Variants in PTPN22 observed in about 807,000 individuals in gnomAD.
The protein encoded by PTPN22 is tyrosine-protein phosphatase non-receptor type 22.
PTPN22 carries 85 observed loss-of-function variants against 103.3 expected under a neutral mutation model. That is an observed-to-expected ratio of 0.82 (90% CI 0.69 to 0.99). The LOEUF (loss-of-function observed/expected upper bound fraction) is 0.99. PTPN22 is among the 50% of genes least tolerant of loss of function. The probability of loss-of-function intolerance (pLI) is 0.00; values close to 1 mark genes in which losing one functional copy is unlikely to be tolerated. For missense variants in PTPN22, 865 were observed against 936.9 expected (o/e 0.92, Z 1.00); for synonymous variants, 323 against 310.2 (o/e 1.04, Z -0.43).
chr1:113,845,194 G>GTTTTTTT (rs1322305042), intron 11 of PTPN22, among the ~76,000 whole-genome samples: 2 of 141,308 alleles, frequency 1.4e-5, no homozygotes, highest in African/African-American at 2.6e-5. Flanking sequence ...TTTTGTTTTT[G>GTTTTTTT]TTTTTGTTTT....
chr1:113,833,224 T>C, intron 15 of PTPN22, 86 bp from the exon 16 acceptor site: 2 of 954,970 alleles, frequency 2.1e-6, no homozygotes, highest in Non-Finnish European at 1.6e-6. Context: ...ATTTTTGAAC[T>C]TATATGTAAT....
chr1:113,825,251 A>G, intron 18 of PTPN22, 79 bp from the exon 19 acceptor site: 1 of 915,858 alleles, frequency 1.1e-6, no homozygotes, highest in Non-Finnish European at 1.6e-6. Context: ...TATAGACTTA[A>G]GTGAAAAGAA....
intron 1 of PTPN22, among the ~76,000 whole-genome samples, chr1:113,869,898 T>C (rs1666434981): frequency 6.6e-6 from 1 of 152,184 alleles, no homozygotes; most frequent in African/African-American, 2.4e-5. Context: ...GATCAGCCAG[T>C]GGCAGTGAGA....
chr1:113,827,747 A>T (rs1287298240), intron 18 of PTPN22, among the ~76,000 whole-genome samples: 1 of 152,134 alleles, frequency 6.6e-6, no homozygotes, highest in Admixed American at 6.5e-5. Context: ...AGGCAGGAGG[A>T]TCGCTTGAGT....
chr1:113,859,482 AATT>A, intron 1 of PTPN22, 22 bp from the exon 2 acceptor site: 1 of 1,567,570 alleles, frequency 6.4e-7, no homozygotes, highest in East Asian at 2.2e-5. Flanking sequence ...TTCCAAGAAA[AATT>A]AATCTTCCTA....
At chr1:113,827,262 A>G (rs937875109) in intron 18 of PTPN22, among the ~76,000 whole-genome samples, 1 of 152,150 alleles carries the variant, frequency 6.6e-6, no homozygotes, top group Non-Finnish European at 1.5e-5. Flanking sequence ...TAAAAAATAG[A>G]TGATTTATTT....
chr1:113,844,034 C>T (rs1663833546), intron 11 of PTPN22, among the ~76,000 whole-genome samples: 1 of 152,032 alleles, frequency 6.6e-6, no homozygotes, highest in African/African-American at 2.4e-5. Context: ...AGTTCAAGAC[C>T]AGCCTGGACA....
At chr1:113,829,919 A>AT (rs763491584) in intron 17 of PTPN22, 30 bp downstream of exon 17, 4 of 1,537,926 alleles carry the variant, frequency 2.6e-6, no homozygotes, top group African/African-American at 1.4e-5. Flanking sequence ...CATTTTTATG[A>AT]TTTTTTTGAG....
At chr1:113,837,955 A>G (rs1278089902) in exon 13 of PTPN22, 1 of 1,614,134 alleles carries the variant, frequency 6.2e-7, no homozygotes, top group Non-Finnish European at 8.5e-7. Context: ...CTGCATCTCT[A>G]CAAAACAAGA....
chr1:113,836,226 C>A (rs1296993180), intron 13 of PTPN22, among the ~76,000 whole-genome samples: 2 of 152,094 alleles, frequency 1.3e-5, no homozygotes, highest in African/African-American at 4.8e-5. Flanking sequence ...GATGATATAC[C>A]TAAGGGAGTT....
intron 1 of PTPN22, among the ~76,000 whole-genome samples, chr1:113,861,241 G>T (rs1389074295): frequency 6.6e-6 from 1 of 151,834 alleles, no homozygotes; most frequent in Non-Finnish European, 1.5e-5. Flanking sequence ...TTGTTTGTTT[G>T]TTTTTGTTTT....
At position 113,838,578 on chromosome 1, in the gene PTPN22, G is replaced by A. The variant is rs779813063; in HGVS notation, c.958C>T (p.Gln320Ter). ...AAATTAGGAGAATAAGAGTCTGCTT[G>A]GAGAGTGTGATTTTTCTCAGGAATA... is the stretch of plus-strand genomic sequence containing the variant. The change falls in exon 12 of 21, where the codon CAA becomes TAA. Residue 320 changes from glutamine to a stop codon, truncating the protein, a stop_gained. Coordinates refer to ENST00000359785, the Ensembl canonical transcript of PTPN22. LOFTEE classifies it high-confidence loss of function. 6 of 1,613,676 alleles carry A rather than the reference G, an allele frequency of 3.7e-6. No individual in the cohort carries two copies. Among genetic ancestry groups the A allele is most frequent in the Admixed American group, 1.7e-5 (1 of 59,970 alleles).
intron 1 of PTPN22, among the ~76,000 whole-genome samples, chr1:113,869,803 G>A (rs1215591340): frequency 1.3e-5 from 2 of 152,134 alleles, no homozygotes; most frequent in African/African-American, 2.4e-5. Flanking sequence ...AGGAATTATA[G>A]TCCAGGGGCA....
At chr1:113,832,066 A>G (rs1662596489) in intron 16 of PTPN22, among the ~76,000 whole-genome samples, 1 of 152,208 alleles carries the variant, frequency 6.6e-6, no homozygotes, top group Non-Finnish European at 1.5e-5. Flanking sequence ...TTCTTTTATA[A>G]ATGAGAAAAA....
chr1:113,848,729 T>G (rs1253613507), intron 10 of PTPN22, 103 bp from the exon 11 acceptor site: 1 of 1,038,002 alleles, frequency 9.6e-7, no homozygotes, highest in Non-Finnish European at 1.4e-6. Flanking sequence ...AATCCTAATA[T>G]AGCAGACCCA....
intron 13 of PTPN22, 37 bp from the exon 14 acceptor site, chr1:113,835,030 A>C (rs781270860): frequency 1.6e-6 from 2 of 1,274,846 alleles, no homozygotes; most frequent in Admixed American, 5.1e-5. Flanking sequence ...ACAATTGTTA[A>C]TTAGAACAAT....
chr1:113,853,762 A>C (rs1432195793), intron 9 of PTPN22, among the ~76,000 whole-genome samples: 1 of 148,404 alleles, frequency 6.7e-6, no homozygotes, highest in Non-Finnish European at 1.5e-5. Context: ...GCTCACTGCA[A>C]CCTCCGCCTC....
chr1:113,830,880 C>A (rs976977753), intron 16 of PTPN22, among the ~76,000 whole-genome samples: 20 of 152,114 alleles, frequency 1.3e-4, no homozygotes, highest in African/African-American at 4.3e-4. Context: ...AAGAGGTTCA[C>A]ATGTCATTGG....
At chr1:113,861,560 G>T (rs191437211) in intron 1 of PTPN22, among the ~76,000 whole-genome samples, 7 of 150,610 alleles carry the variant, frequency 4.6e-5, no homozygotes, top group Admixed American at 4.6e-4. Context: ...TGTATTTTTA[G>T]TAGAGACAGG....
Sources: gnomAD v4.1 joint callset for allele counts (sites outside exome capture counted in the v4.1 genomes callset) on GRCh38, gnomAD v4.1.1 for gene constraint, MANE v1.5 for transcripts, NCBI Gene and HGNC (gene_info 2026-07-23, HGNC 2026-07-21) for gene names.